The following RANBP9 variants were observed in gnomAD, a reference collection of about 807,000 sequenced individuals.
RANBP9 encodes ran-binding protein 9.
In RANBP9, 15 loss-of-function variants were observed where a neutral mutation model predicts 84.3. That is an observed-to-expected ratio of 0.18 (90% CI 0.12 to 0.27). The LOEUF (loss-of-function observed/expected upper bound fraction) is 0.27. RANBP9 is among the 10% of genes least tolerant of loss of function. The probability of loss-of-function intolerance (pLI) is 1.00; values close to 1 mark genes in which losing one functional copy is unlikely to be tolerated. For missense variants in RANBP9, 809 were observed against 912.8 expected (o/e 0.89, Z 1.46); for synonymous variants, 392 against 349.6 (o/e 1.12, Z -1.35).
chr6:13,641,445 A>C, intron 7 of RANBP9, 138 bp from the exon 8 acceptor site: 1 of 584,186 alleles, frequency 1.7e-6, no homozygotes, highest in South Asian at 2.3e-5. Flanking sequence ...CTAACATCAT[A>C]GTTTCCATTA....
Position 13,641,707 on chromosome 6 carries a change from G to A in RANBP9, c.1226-400C>T, listed in dbSNP as rs764447135. Among the ~76,000 whole-genome samples, 10 of 152,212 alleles carry A rather than the reference G, an allele frequency of 6.6e-5. No individual in the cohort carries two copies. The South Asian group carries it at 1.9e-3, about 28-fold the overall frequency. On this transcript the variant is annotated intron_variant, in intron 7 of 13. Transcript: ENST00000011619. The stretch of plus-strand genomic sequence containing the variant: ...TAAGATTCCAATTTAACAGAGACTC[G>A]TTGAGCATTCACTTGATCTGTTATA...
At chr6:13,690,387 G>A (rs995939122) in intron 2 of RANBP9, among the ~76,000 whole-genome samples, 5 of 152,040 alleles carry the variant, frequency 3.3e-5, no homozygotes, top group Admixed American at 6.6e-5. Flanking sequence ...TGCTTACAAC[G>A]AATCAAACCT....
chr6:13,643,209 A>G (rs1289290103), intron 6 of RANBP9, among the ~76,000 whole-genome samples: 2 of 152,196 alleles, frequency 1.3e-5, no homozygotes, highest in Non-Finnish European at 2.9e-5. Flanking sequence ...TACCCAAGAG[A>G]TTTATCAAAT....
chr6:13,654,124 AAACTCT>A (rs1765351717), intron 4 of RANBP9, among the ~76,000 whole-genome samples: 1 of 152,160 alleles, frequency 6.6e-6, no homozygotes, highest in African/African-American at 2.4e-5. Flanking sequence ...ACTTTACCAA[AAACTCT>A]AACGAAAAAT....
intron 5 of RANBP9, among the ~76,000 whole-genome samples, chr6:13,652,251 CAG>C (rs1169827668): frequency 6.6e-6 from 1 of 152,182 alleles, no homozygotes; most frequent in Non-Finnish European, 1.5e-5. Context: ...TCCAAGAGGG[CAG>C]AGACCTTTAC....
chr6:13,634,640 G>A (rs1233652786), intron 10 of RANBP9, 88 bp from the exon 11 acceptor site: 25 of 1,173,326 alleles, frequency 2.1e-5, no homozygotes, highest in Admixed American at 1.2e-4. Context: ...CATAGCCTAC[G>A]AATAAACTAA....
chr6:13,669,226 G>A (rs1765720005), intron 2 of RANBP9, among the ~76,000 whole-genome samples: 1 of 152,040 alleles, frequency 6.6e-6, no homozygotes, highest in Non-Finnish European at 1.5e-5. Context: ...TGAAAGAACT[G>A]CTAAGTAAAT....
chr6:13,648,141 G>GTTTTT (rs375219477), intron 5 of RANBP9, among the ~76,000 whole-genome samples: 4 of 80,646 alleles, frequency 5.0e-5, no homozygotes, highest in East Asian at 3.6e-4. Flanking sequence ...TATATGACTG[G>GTTTTT]TTTTTTTTTT....
chr6:13,691,214 G>C (rs1256238661), intron 2 of RANBP9, among the ~76,000 whole-genome samples: 6 of 146,942 alleles, frequency 4.1e-5, no homozygotes, highest in African/African-American at 1.5e-4. Context: ...AATTTTTCTT[G>C]TGAAATGCAT....
chr6:13,635,334 T>A (rs1419970709), intron 10 of RANBP9, among the ~76,000 whole-genome samples: 1 of 152,154 alleles, frequency 6.6e-6, no homozygotes, highest in Non-Finnish European at 1.5e-5. Flanking sequence ...TTCAGAACCA[T>A]CCGCACTCTT....
At chr6:13,694,729 A>T (rs1471691886) in intron 2 of RANBP9, among the ~76,000 whole-genome samples, 1 of 152,246 alleles carries the variant, frequency 6.6e-6, no homozygotes, top group Non-Finnish European at 1.5e-5. Flanking sequence ...CATTGGATTC[A>T]GTCCCGCCCT....
At chr6:13,630,368 A>G (rs1180695828) in intron 12 of RANBP9, among the ~76,000 whole-genome samples, 1 of 152,218 alleles carries the variant, frequency 6.6e-6, no homozygotes, top group East Asian at 1.9e-4. Flanking sequence ...CCATCTTCTG[A>G]GCTTCATGTA....
At chr6:13,702,112 T>C (rs956785922) in intron 1 of RANBP9, among the ~76,000 whole-genome samples, 34 of 152,338 alleles carry the variant, frequency 2.2e-4, no homozygotes, top group African/African-American at 7.7e-4. Context: ...TTGTCAGTAA[T>C]GTACCAGAGT....
intron 4 of RANBP9, among the ~76,000 whole-genome samples, chr6:13,655,706 T>C (rs546978514): frequency 1.8e-4 from 28 of 152,232 alleles, no homozygotes; most frequent in African/African-American, 5.3e-4. Context: ...GTTAAAGAGA[T>C]TGTGGTTTTT....
At chr6:13,689,169 A>C (rs971425575) in intron 2 of RANBP9, among the ~76,000 whole-genome samples, 8 of 151,884 alleles carry the variant, frequency 5.3e-5, no homozygotes, top group African/African-American at 1.9e-4. Context: ...ACAAAAACAA[A>C]ACAAAACAAA....
At chr6:13,681,331 G>C (rs1164524600) in intron 2 of RANBP9, among the ~76,000 whole-genome samples, 1 of 55,536 alleles carries the variant, frequency 1.8e-5, no homozygotes, top group Non-Finnish European at 3.8e-5. Context: ...AATTTTAGTT[G>C]TGGTTGTTAT....
intron 5 of RANBP9, among the ~76,000 whole-genome samples, chr6:13,645,767 T>A (rs1005215024): frequency 6.6e-6 from 1 of 152,202 alleles, no homozygotes; most frequent in East Asian, 1.9e-4. Context: ...ATGTCTTATA[T>A]CTTTAATAGT....
chr6:13,657,747 T>A (rs2127770543), intron 3 of RANBP9, among the ~76,000 whole-genome samples: 1 of 152,336 alleles, frequency 6.6e-6, no homozygotes, highest in East Asian at 1.9e-4. Flanking sequence ...GATATGTTTA[T>A]ATCATCATTA....
intron 2 of RANBP9, among the ~76,000 whole-genome samples, chr6:13,670,631 C>A (rs1251434854): frequency 6.6e-6 from 1 of 151,768 alleles, no homozygotes; most frequent in Non-Finnish European, 1.5e-5. Flanking sequence ...CCCGTCTCTA[C>A]CAAAAATACA....
Sources: gnomAD v4.1 joint callset for allele counts (sites outside exome capture counted in the v4.1 genomes callset) on GRCh38, gnomAD v4.1.1 for gene constraint, MANE v1.5 for transcripts, NCBI Gene and HGNC (gene_info 2026-07-23, HGNC 2026-07-21) for gene names.